The following CYFIP1 variants were observed in gnomAD, a reference collection of about 807,000 sequenced individuals.
The protein encoded by CYFIP1 is cytoplasmic FMR1-interacting protein 1.
CYFIP1 carries 58 observed loss-of-function variants against 163.5 expected under a neutral mutation model. The ratio of observed to expected loss-of-function variants is 0.35; its 90% CI spans 0.29 to 0.44. The LOEUF (loss-of-function observed/expected upper bound fraction) is 0.44, where lower values mean the gene tolerates loss of function less well. CYFIP1 is among the 20% of genes least tolerant of loss of function. The pLI, the probability that CYFIP1 is intolerant of heterozygous loss-of-function variation, is 1.00. For synonymous variants in CYFIP1, 663 were observed against 660.7 expected, an observed-to-expected ratio of 1.00 and a Z score of -0.05; for missense variants, 1,338 against 1,653.8, an observed-to-expected ratio of 0.81 and a Z score of 3.31.
chr15:22,901,431 AG>A (rs1185586217), intron 22 of CYFIP1, among the ~76,000 whole-genome samples: 2 of 152,218 alleles, frequency 1.3e-5, no homozygotes, highest in Admixed American at 6.5e-5. Flanking sequence ...ACCTCACCCC[AG>A]GGACAGAAGT....
intron 11 of CYFIP1, among the ~76,000 whole-genome samples, chr15:22,930,389 CAA>C (rs35398202): frequency 2.0e-4 from 23 of 114,090 alleles, no homozygotes; most frequent in African/African-American, 3.1e-4. Flanking sequence ...CCGTCTCACC[CAA>C]AAAAAAAAAA....
At chr15:22,889,279 G>A (rs1365671722) in intron 23 of CYFIP1, among the ~76,000 whole-genome samples, 2 of 152,176 alleles carry the variant, frequency 1.3e-5, no homozygotes, top group Non-Finnish European at 2.9e-5. Flanking sequence ...ATTCCCTGGA[G>A]CCATCCCTGA....
intron 26 of CYFIP1, among the ~76,000 whole-genome samples, chr15:22,879,438 C>T (rs138926883): frequency 6.6e-6 from 1 of 152,226 alleles, no homozygotes; most frequent in Non-Finnish European, 1.5e-5. Context: ...CCCGGGGGCT[C>T]CCCTTTCATG....
chr15:22,871,195 A>T (rs1367527864), intron 30 of CYFIP1, among the ~76,000 whole-genome samples: 1 of 152,124 alleles, frequency 6.6e-6, no homozygotes, highest in Non-Finnish European at 1.5e-5. Flanking sequence ...TTAAATAAAG[A>T]CTCCCAAATA....
chr15:22,873,968 G>A (rs955116805), intron 28 of CYFIP1, among the ~76,000 whole-genome samples: 3 of 152,180 alleles, frequency 2.0e-5, no homozygotes, highest in Admixed American at 6.5e-5. Context: ...ATGTTGCCCA[G>A]GCTGGTCTCA....
chr15:22,956,484 ATGTGTGAGTGTGTATG>A (rs1290118385), intron 1 of CYFIP1, among the ~76,000 whole-genome samples: 2 of 152,178 alleles, frequency 1.3e-5, no homozygotes, highest in African/African-American at 4.8e-5. Flanking sequence ...AAAAGTTTGT[ATGTGTGAGTGTGTATG>A]TGTGTGAGTG....
chr15:22,918,601 A>G, intron 14 of CYFIP1, 91 bp downstream of exon 14: 2 of 1,216,698 alleles, frequency 1.6e-6, no homozygotes, highest in Non-Finnish European at 2.2e-6. Flanking sequence ...TATTGAAATC[A>G]TTTTTGAGAA....
chr15:22,924,665 G>A (rs1452591352), intron 13 of CYFIP1, among the ~76,000 whole-genome samples: 1 of 152,122 alleles, frequency 6.6e-6, no homozygotes, highest in African/African-American at 2.4e-5. Context: ...CTGTGAATGT[G>A]CTGAAAGCAT....
intron 6 of CYFIP1, among the ~76,000 whole-genome samples, chr15:22,940,833 C>T (rs1318668396): frequency 2.0e-5 from 3 of 152,102 alleles, no homozygotes; most frequent in Non-Finnish European, 4.4e-5. Flanking sequence ...TTGAGTCAGG[C>T]GTTCAACACC....
chr15:22,897,759 C>T, intron 22 of CYFIP1, among the ~76,000 whole-genome samples: 1 of 152,318 alleles, frequency 6.6e-6, no homozygotes, highest in East Asian at 1.9e-4. Flanking sequence ...GCTGGGATTA[C>T]AGGCGTGAGC....
At chr15:22,919,513 T>C (rs2061106905) in intron 13 of CYFIP1, among the ~76,000 whole-genome samples, 1 of 152,190 alleles carries the variant, frequency 6.6e-6, no homozygotes, top group African/African-American at 2.4e-5. Context: ...TACAGCCAAC[T>C]TCATGATAGC....
chr15:22,881,039 C>T (rs754976005), intron 25 of CYFIP1, among the ~76,000 whole-genome samples: 3 of 152,150 alleles, frequency 2.0e-5, no homozygotes, highest in Admixed American at 6.5e-5. Context: ...GAGCCAGGGC[C>T]GTGCTGATGG....
chr15:22,907,627 C>T (rs1013452528), intron 21 of CYFIP1, among the ~76,000 whole-genome samples: 4 of 152,212 alleles, frequency 2.6e-5, no homozygotes, highest in African/African-American at 9.6e-5. Flanking sequence ...GGACGTGTGG[C>T]CATGCACCAA....
At chr15:22,905,732 G>T (rs1488159093) in intron 21 of CYFIP1, among the ~76,000 whole-genome samples, 1 of 150,066 alleles carries the variant, frequency 6.7e-6, no homozygotes, top group Admixed American at 6.7e-5. Flanking sequence ...GCCACCGAGT[G>T]CCCAGCCTTC....
chr15:22,959,759 G>A (rs1312310301), intron 1 of CYFIP1, among the ~76,000 whole-genome samples: 1 of 152,160 alleles, frequency 6.6e-6, no homozygotes, highest in Non-Finnish European at 1.5e-5. Context: ...TGAGGAACAG[G>A]CGCCACGGGC....
chr15:22,889,078 A>G (rs2060001339), intron 23 of CYFIP1, among the ~76,000 whole-genome samples: 1 of 152,174 alleles, frequency 6.6e-6, no homozygotes, highest in Admixed American at 6.5e-5. Context: ...AAACAAAAAG[A>G]AAAACCATGT....
intron 22 of CYFIP1, among the ~76,000 whole-genome samples, chr15:22,894,135 T>C (rs1404047157): frequency 1.4e-4 from 21 of 152,056 alleles, no homozygotes; most frequent in Admixed American, 1.2e-3. Flanking sequence ...CCTGCAAAGC[T>C]ACGGCACACA....
chr15:22,946,706 TACCTGGTGTGTGTGGGTGC>T, intron 3 of CYFIP1: 1 of 567,930 alleles, frequency 1.8e-6, no homozygotes, highest in South Asian at 1.6e-5. Flanking sequence ...TATGGGCACA[TACCTGGTGTGTGTGGGTGC>T]AGATCTGGAG....
intron 13 of CYFIP1, 69 bp from the exon 14 acceptor site, chr15:22,918,927 T>G: frequency 7.9e-7 from 1 of 1,261,006 alleles, no homozygotes; most frequent in Non-Finnish European, 1.1e-6. Context: ...GCCTGGCACA[T>G]GCCGGGGGCT....
Sources: allele counts gnomAD v4.1 joint callset (sites outside exome capture counted in the v4.1 genomes callset), GRCh38; gene constraint gnomAD v4.1.1; transcripts MANE v1.5; gene names NCBI Gene and HGNC (gene_info 2026-07-23, HGNC 2026-07-21).